The following TOP2A variants were observed in gnomAD, a reference collection of about 807,000 sequenced individuals.
TOP2A encodes the protein DNA topoisomerase 2-alpha.
In TOP2A, 68 loss-of-function variants were observed where a neutral mutation model predicts 187.2. The observed-to-expected ratio is 0.36, with a 90% confidence interval of 0.30 to 0.44. TOP2A has a LOEUF of 0.44. TOP2A is among the 20% of genes least tolerant of loss of function. TOP2A has a pLI of 1.00. For synonymous variants in TOP2A, 542 were observed against 593.2 expected (o/e 0.91, Z 1.25); for missense variants, 1,196 against 1,808.7 (o/e 0.66, Z 6.14).
chr17:40,417,565 C>G (rs2035408012), intron 1 of TOP2A: 5 of 1,435,738 alleles, frequency 3.5e-6, no homozygotes, highest in Non-Finnish European at 4.6e-6. Flanking sequence ...CGCACGACAC[C>G]CTGGAAGCCG....
Position 40,400,618 on chromosome 17 carries a change from G to C in TOP2A, c.2710C>G (p.Pro904Ala), listed in dbSNP as rs186830718. The C allele has an allele frequency of 3.1e-6, 5 of 1,608,816 alleles. No individual in the cohort carries two copies. In the South Asian group the frequency reaches 5.6e-5, roughly 18 times the overall value. The change falls in exon 22 of 35, where the codon CCA (proline) becomes GCA (alanine). Residue 904 changes from proline (P) to alanine (A), a missense_variant. By Grantham distance (27) the Pro-to-Ala change is conservative (BLOSUM62 -1). Around this residue, in one of 10 missense-constraint regions of TOP2A, gnomAD observed 232 missense variants for 306.1 expected, o/e 0.76. Coordinates refer to ENST00000423485, the MANE Select transcript of TOP2A (RefSeq NM_001067.4). ...TCACCACTAATCACATATTGATTTG[G>C]AGCCAGTTCTTCAATAGTACCCTTG... ...NFKGTIEELA[P>A]NQYVISGEVA... is the part of the protein sequence containing the mutation.
rs1598620703 is a variant in TOP2A at position 40,415,045 on chromosome 17, A to C, written c.332+960T>G. Reference sequence around the variant, plus strand: ...TATTATCTATAAAAAAAACTAATTAAAATTAGCTCAACTTTTTTTTTTTTT... The same window carrying C: ...TATTATCTATAAAAAAAACTAATTACAATTAGCTCAACTTTTTTTTTTTTT... On this transcript the variant is annotated intron_variant, in intron 4 of 34. Transcript: ENST00000423485. 5.3e-5 allele frequency among the ~76,000 whole-genome samples: 8 copies of C among 151,724 alleles called. No homozygotes were observed. In the South Asian group the frequency reaches 1.7e-3, roughly 32 times the overall value.
At chr17:40,391,703 C>T in intron 32 of TOP2A, 63 bp from the exon 33 acceptor site, 3 of 1,444,690 alleles carry the variant, frequency 2.1e-6, no homozygotes, top group Non-Finnish European at 2.7e-6. Flanking sequence ...CCATTTTCTG[C>T]TTTGTCCCTG....
In TOP2A at chr17:40,416,210, A is replaced by C. The variant is rs1279896948; in HGVS notation, c.269-142T>G. ...GGTGTTAATTTAGCAATTTTTGTCC[A>C]TAGTACTGTTTCTACGAGAAGCTCA... On this transcript the variant is annotated intron_variant, in intron 3 of 34. Coordinates refer to ENST00000423485, the MANE Select transcript of TOP2A (RefSeq NM_001067.4). The C allele has an allele frequency of 6.4e-6, 5 of 785,392 alleles. No individual in the cohort carries two copies. In the East Asian group the frequency reaches 1.3e-4, roughly 21 times the overall value. The allele number at this position is 785,392 out of a possible 1,614,324, so 48.7% of individuals were successfully genotyped here.
At chr17:40,390,533 T>TCC (rs1258229733) in intron 33 of TOP2A, among the ~76,000 whole-genome samples, 1 of 152,088 alleles carries the variant, frequency 6.6e-6, no homozygotes, top group Non-Finnish European at 1.5e-5. Flanking sequence ...TTGCGAACTT[T>TCC]CTTCAGCAAT....
chr17:40,410,594 G>C (rs1050346295), intron 10 of TOP2A: 35 of 455,986 alleles, frequency 7.7e-5, no homozygotes, highest in African/African-American at 6.0e-4. Flanking sequence ...CCAAAAAAGA[G>C]ATAATGGTGA....
chr17:40,392,636 C>A lies in TOP2A; in HGVS notation c.3913G>T (p.Glu1305Ter). 3 of 1,613,286 alleles carry A rather than the reference C, an allele frequency of 1.9e-6. No individual in the cohort carries two copies. Among genetic ancestry groups the A allele is most frequent in the Non-Finnish European group, 2.5e-6 (3 of 1,179,760 alleles). ...CGTGGAGGGACATCAAAATTACTTTCGTCACTGCTCCTATCTGATTCTGAA... is the reference window on the plus strand; with the variant it reads ...CGTGGAGGGACATCAAAATTACTTTAGTCACTGCTCCTATCTGATTCTGAA... ...SDSESDRSSD[E>*]SNFDVPPRET... The change falls in exon 30 of 35, where the codon GAA becomes TAA. Residue 1305 changes from glutamate to a stop codon, truncating the protein, a stop_gained. Transcript: ENST00000423485. LOFTEE classifies it high-confidence loss of function.
rs574322694 is a variant in TOP2A at position 40,395,096 on chromosome 17, A to G, written c.3811+353T>C. Among the ~76,000 whole-genome samples the G allele has an allele frequency of 2.8e-4, 43 of 152,220 alleles. No individual in the cohort carries two copies. In the Middle Eastern group the frequency reaches 0.017, roughly 60 times the overall value. ...TCAGGAGTTTGAGACCAGCCTGACT[A>G]ACATGGTGAAACCCCGTCTCTACTA... On this transcript the variant is annotated intron_variant, in intron 29 of 34. Coordinates refer to ENST00000423485, the MANE Select transcript of TOP2A (RefSeq NM_001067.4).
intron 34 of TOP2A, 63 bp downstream of exon 34, chr17:40,389,902 A>T (rs993255082): frequency 1.3e-6 from 2 of 1,483,564 alleles, no homozygotes; most frequent in Non-Finnish European, 1.8e-6. Context: ...TTTTAAGAGC[A>T]ATGGCTTAGT....
intron 6 of TOP2A, 37 bp downstream of exon 6, chr17:40,413,158 C>G (rs769745858): frequency 6.9e-7 from 1 of 1,453,730 alleles, no homozygotes. Flanking sequence ...ATACTACTAC[C>G]ATTTATCATT....
chr17:40,416,495 A>G lies in TOP2A; in HGVS notation c.195T>C (p.Asp65=). 1.2e-6 allele frequency: 2 copies of G among 1,603,792 alleles called. No homozygotes were observed. The highest frequency in any genetic ancestry group is 4.5e-5 in the East Asian group (2 of 44,662). Residue 65 remains aspartate, a synonymous_variant, in exon 3 of 35, where the codon GAT becomes GAC. Transcript: ENST00000423485. ...ELVTQQMWVY[D]EDVGINYREV... is the part of the protein sequence containing the mutation. ...CCCTATAGTTAATGCCAACATCTTC[A>G]TCGTAAACCCACATTTGCTAGAAAT... is the stretch of plus-strand genomic sequence containing the variant.
chr17:40,389,091 A>G lies in TOP2A; in HGVS notation c.*428T>C, dbSNP rs2034991854. 4.5e-6 allele frequency: 1 copy of G among 222,934 alleles called. No individual in the cohort carries two copies. Among genetic ancestry groups the G allele is most frequent in the African/African-American group, 2.2e-5 (1 of 44,710 alleles). The allele number at this position is 222,934 out of a possible 1,614,324, so 13.8% of individuals were successfully genotyped here. A position where few individuals can be genotyped will look rare whatever the true frequency, so the allele number is the denominator to read the frequency against. On this transcript the variant is annotated 3_prime_UTR_variant, in exon 35 of 35. Transcript: ENST00000423485. ...GGTAAATTATGTATAAAACTAAGAT[A>G]AAACAGATAATTATGCTCTATCTCA...
chr17:40,411,181 T>G lies in TOP2A; in HGVS notation c.1131A>C (p.Thr377=). 3.1e-6 allele frequency: 5 copies of G among 1,613,580 alleles called. No individual in the cohort carries two copies. The South Asian group carries it at 5.5e-5, about 18-fold the overall frequency. The change falls in exon 10 of 35, where the codon ACA becomes ACC. Residue 377 remains threonine (T), a synonymous_variant. Transcript: ENST00000423485. This position sits in a 1 kb window ranked among gnomAD's most constrained non-coding sequence, Gnocchi z 4.4. ...LIENPTFDSQ[T]KENMTLQPKS... ...TGGGTTGTAAAGTCATGTTTTCTTT[T>G]GTCTGAGAGTCAAAGGTTGGGTTTT...
chr17:40,396,548 C>A, intron 27 of TOP2A, 83 bp from the exon 28 acceptor site: 1 of 1,497,378 alleles, frequency 6.7e-7, no homozygotes, highest in South Asian at 1.3e-5. Flanking sequence ...AAACTGATTT[C>A]ATTTTGTTAC....
chr17:40,391,472 G>T (rs755865760), intron 33 of TOP2A, 34 bp downstream of exon 33: 1 of 1,580,720 alleles, frequency 6.3e-7, no homozygotes, highest in Non-Finnish European at 8.6e-7. Flanking sequence ...TTAGGTAATT[G>T]CAACATTAAC....
rs770475073 is a variant in TOP2A at position 40,406,682 on chromosome 17, T to C, written c.1745A>G (p.Lys582Arg). The C allele has an allele frequency of 6.2e-7, 1 of 1,612,340 alleles. No homozygotes were observed. Among genetic ancestry groups the C allele is most frequent in the Admixed American group, 1.7e-5 (1 of 59,824 alleles). Reference sequence around the variant, plus strand: ...GTAAAATGCCATTTCTTGCTTGTTTTTAGATACCTGTGATAAAAAACAATG... The same window carrying C: ...GTAAAATGCCATTTCTTGCTTGTTTCTAGATACCTGTGATAAAAAACAATG... Reference protein sequence around the residue: ...EFITPIVKVSKNKQEMAFYSL... With the variant: ...EFITPIVKVSRNKQEMAFYSL... Residue 582 changes from lysine (K) to arginine (R), a missense_variant, in exon 15 of 35, where the codon AAA (lysine) becomes AGA (arginine). Lys to Arg is a conservative substitution (Grantham distance 26). Around this residue, in one of 10 missense-constraint regions of TOP2A, gnomAD observed 209 missense variants for 376.9 expected, o/e 0.55. Transcript: ENST00000423485.
In TOP2A at chr17:40,390,067, A is replaced by G. The variant is rs777140491; in HGVS notation, c.4365T>C (p.Pro1455=). 2.5e-6 allele frequency: 4 copies of G among 1,613,922 alleles called. No individual in the cohort carries two copies. Among genetic ancestry groups the G allele is most frequent in the Non-Finnish European group, 3.4e-6 (4 of 1,179,850 alleles). Residue 1455 remains proline, a synonymous_variant, in exon 34 of 35, where the codon CCT becomes CCC. Coordinates refer to ENST00000423485, the MANE Select transcript of TOP2A (RefSeq NM_001067.4). ...PALNSGVSQK[P]DPAKTKNRRK... ...GGCGATTCTTGGTTTTGGCAGGATC[A>G]GGCTTTTGAGAGACACCAGAATTCA...
At chr17:40,392,919 A>G (rs1297689314) in intron 29 of TOP2A, among the ~76,000 whole-genome samples, 182 bp from the exon 30 acceptor site, 1 of 152,194 alleles carries the variant, frequency 6.6e-6, no homozygotes, top group Non-Finnish European at 1.5e-5. Context: ...TCTCATAAAT[A>G]AATGTGGCCG....
chr17:40,394,824 G>A (rs1567781897), intron 29 of TOP2A, among the ~76,000 whole-genome samples: 1 of 152,200 alleles, frequency 6.6e-6, no homozygotes, highest in Non-Finnish European at 1.5e-5. Flanking sequence ...TTACTAATAT[G>A]TAGTCACTTT....
Sources: gnomAD v4.1 joint callset for allele counts (sites outside exome capture counted in the v4.1 genomes callset) on GRCh38, gnomAD v4.1.1 for gene constraint, gnomAD v4.1.1 regional missense constraint, Gnocchi (gnomAD v3.1) non-coding constraint, MANE v1.5 for transcripts, NCBI Gene and HGNC (gene_info 2026-07-23, HGNC 2026-07-21) for gene names.